MARCHF3: variants seen among roughly 807,000 people sequenced by gnomAD.
MARCHF3 encodes membrane associated ring-CH-type finger 3, also known as E3 ubiquitin-protein ligase MARCHF3.
MARCHF3 carries 13 observed loss-of-function variants against 24.2 expected under a neutral mutation model. That is an observed-to-expected ratio of 0.54 (90% CI 0.35 to 0.85). The LOEUF is 0.85. Ranked by LOEUF, MARCHF3 falls within the 40% of genes least tolerant of loss-of-function variation. MARCHF3 has a pLI of 0.01. For synonymous variants in MARCHF3, 144 were observed against 137.3 expected (o/e 1.05, Z -0.34); for missense variants, 276 against 325.0 (o/e 0.85, Z 1.16).
Position 126,888,148 on chromosome 5 carries a change from A to T in MARCHF3, c.394-9754T>A, listed in dbSNP as rs80127466. Among the ~76,000 whole-genome samples the T allele has an allele frequency of 8.5e-3, 1,301 of 152,332 alleles. 26 individuals are homozygous for T. The highest frequency in any genetic ancestry group is 0.029 in the African/African-American group (1,200 of 41,560). ...AAATGAATATAACTGAAATGCATATATAAGACCATTTGCTTGGACTCTTCC... is the reference window on the plus strand; with the variant it reads ...AAATGAATATAACTGAAATGCATATTTAAGACCATTTGCTTGGACTCTTCC... On this transcript the variant is annotated intron_variant, in intron 3 of 4. Coordinates refer to ENST00000308660, the MANE Select transcript of MARCHF3 (RefSeq NM_178450.5).
rs377034430 is a variant in MARCHF3, at chr5:126,870,758, C to T, written c.637G>A (p.Glu213Lys). 48 of 1,614,042 alleles carry T rather than the reference C, an allele frequency of 3.0e-5. No homozygotes were observed. Among genetic ancestry groups the T allele is most frequent in the African/African-American group, 2.1e-4 (16 of 74,908 alleles). The change falls in exon 5 of 5, where the codon GAG becomes AAG. Residue 213 changes from glutamate to lysine, a missense_variant. Coordinates refer to ENST00000308660, the MANE Select transcript of MARCHF3 (RefSeq NM_178450.5). ...SFRYHCRLYNEWRRTNQRVIL... is the reference protein window; with the variant it reads ...SFRYHCRLYNKWRRTNQRVIL... ...ACCCTCTGATTGGTCCGACGCCACTCGTTGTACAATCGACAGTGGTACCTA... is the reference window on the plus strand; with the variant it reads ...ACCCTCTGATTGGTCCGACGCCACTTGTTGTACAATCGACAGTGGTACCTA...
chr5:126,909,171 G>C (rs1754415877), intron 3 of MARCHF3, among the ~76,000 whole-genome samples: 2 of 152,236 alleles, frequency 1.3e-5, no homozygotes, highest in South Asian at 4.1e-4. Context: ...GAGGCAGTCT[G>C]CCCGTTCTCA....
In MARCHF3 at chr5:126,867,880, C is replaced by T. The variant is rs1164866014; in HGVS notation, c.*2753G>A. On this transcript the variant is annotated 3_prime_UTR_variant, in exon 5 of 5. Coordinates refer to ENST00000308660, the MANE Select transcript of MARCHF3 (RefSeq NM_178450.5). ...GCAGGCAAGAGCATGCTGGATTTGTCTTAGTTGTTAATTCACCTTCTGGCT... is the reference window on the plus strand; with the variant it reads ...GCAGGCAAGAGCATGCTGGATTTGTTTTAGTTGTTAATTCACCTTCTGGCT... 1 of 152,182 alleles carries T rather than the reference C, an allele frequency of 6.6e-6. No individual in the cohort carries two copies. Among genetic ancestry groups the T allele is most frequent in the East Asian group, 1.9e-4 (1 of 5,200 alleles). The allele number at this position is 152,182 out of a possible 1,614,324, so 9.4% of individuals were successfully genotyped here.
chr5:126,978,924 T>C (rs896381220), intron 1 of MARCHF3, among the ~76,000 whole-genome samples: 1 of 152,188 alleles, frequency 6.6e-6, no homozygotes. Context: ...GGCTGAACTA[T>C]CAATGGGAAG....
intron 1 of MARCHF3, among the ~76,000 whole-genome samples, chr5:126,971,937 G>A (rs1422369259): frequency 6.6e-6 from 1 of 152,058 alleles, no homozygotes; most frequent in Admixed American, 6.6e-5. Flanking sequence ...TCAGTGAACC[G>A]GCAACTTAGA....
intron 1 of MARCHF3, among the ~76,000 whole-genome samples, chr5:126,977,043 G>C (rs1295481619): frequency 6.6e-6 from 1 of 152,218 alleles, no homozygotes; most frequent in Admixed American, 6.5e-5. Flanking sequence ...GGTTTTATCA[G>C]TTTTGGCCAG....
At chr5:126,871,712 CTTT>C (rs368757054) in intron 4 of MARCHF3, among the ~76,000 whole-genome samples, 4 of 143,110 alleles carry the variant, frequency 2.8e-5, no homozygotes, top group African/African-American at 2.5e-5. Flanking sequence ...GCCTCTCTCT[CTTT>C]TTTTTTTTTT....
chr5:126,940,424 A>C (rs551043136), intron 1 of MARCHF3, among the ~76,000 whole-genome samples: 1 of 152,154 alleles, frequency 6.6e-6, no homozygotes, highest in African/African-American at 2.4e-5. Context: ...GTTGCAGTGC[A>C]ACTGTATATA....
At chr5:126,909,491 C>T (rs1157453648) in intron 3 of MARCHF3, among the ~76,000 whole-genome samples, 5 of 152,230 alleles carry the variant, frequency 3.3e-5, no homozygotes, top group African/African-American at 1.2e-4. Flanking sequence ...GCGTAGGACC[C>T]TCCGAGCCAC....
intron 1 of MARCHF3, among the ~76,000 whole-genome samples, chr5:126,938,988 A>G (rs1749737442): frequency 2.6e-5 from 4 of 152,194 alleles, no homozygotes; most frequent in Admixed American, 2.6e-4. Context: ...CTAAATGAAA[A>G]TGAATTCTGT....
intron 1 of MARCHF3, among the ~76,000 whole-genome samples, chr5:126,981,914 C>T (rs912055317): frequency 2.6e-5 from 4 of 152,242 alleles, no homozygotes; most frequent in Non-Finnish European, 4.4e-5. Context: ...AATTCCTATA[C>T]TGGAATATTC....
At chr5:126,967,374 A>G (rs1014125973) in intron 1 of MARCHF3, among the ~76,000 whole-genome samples, 4 of 152,180 alleles carry the variant, frequency 2.6e-5, no homozygotes, top group African/African-American at 7.2e-5. Flanking sequence ...GAACCACTAC[A>G]TATTCATCAC....
Position 127,021,142 on chromosome 5 carries a change from TAG to T in MARCHF3, c.-57+9206_-57+9207del, listed in dbSNP as rs540025690. 2.7e-3 allele frequency among the ~76,000 whole-genome samples: 416 copies of T among 151,964 alleles called. 4 individuals carry two copies. Among genetic ancestry groups the T allele is most frequent in the African/African-American group, 9.6e-3 (397 of 41,464 alleles). On this transcript the variant is annotated intron_variant, in intron 1 of 4. Coordinates refer to ENST00000308660, the MANE Select transcript of MARCHF3 (RefSeq NM_178450.5). ...ACACTGGCTTTTTTTTTCAGCCATG[TAG>T]AGTTTTAAAAAGTGAAAATATTAGG...
chr5:126,918,283 A>T (rs2126794992), intron 1 of MARCHF3, 56 bp from the exon 2 acceptor site: 1 of 1,081,200 alleles, frequency 9.2e-7, no homozygotes, highest in Non-Finnish European at 1.3e-6. Context: ...GAAAATGGAG[A>T]ATTATGGGCC....
chr5:126,969,713 G>A (rs141878826), intron 1 of MARCHF3, among the ~76,000 whole-genome samples: 13 of 152,290 alleles, frequency 8.5e-5, no homozygotes, highest in African/African-American at 2.9e-4. Flanking sequence ...AAACTTGAGC[G>A]AGCATTAGAA....
At chr5:126,888,342 T>A (rs1481103408) in intron 3 of MARCHF3, among the ~76,000 whole-genome samples, 2 of 152,212 alleles carry the variant, frequency 1.3e-5, no homozygotes, top group African/African-American at 4.8e-5. Flanking sequence ...TAATGCTCCA[T>A]AAATACTATG....
intron 1 of MARCHF3, among the ~76,000 whole-genome samples, chr5:126,933,083 G>A (rs1749528525): frequency 6.6e-6 from 1 of 152,016 alleles, no homozygotes; most frequent in South Asian, 2.1e-4. Flanking sequence ...GGAAATGTAT[G>A]GTTTCTAAAA....
chr5:126,928,314 C>A (rs939547167), intron 1 of MARCHF3, among the ~76,000 whole-genome samples: 5 of 152,204 alleles, frequency 3.3e-5, no homozygotes, highest in African/African-American at 1.2e-4. Flanking sequence ...CTGAAGAAAG[C>A]AAGTTATTCC....
At chr5:126,896,198 C>G (rs1018628333) in intron 3 of MARCHF3, among the ~76,000 whole-genome samples, 3 of 152,176 alleles carry the variant, frequency 2.0e-5, no homozygotes, top group Admixed American at 6.6e-5. Flanking sequence ...CACTGACCTG[C>G]GCCCACTGTC....
Sources: gnomAD v4.1 joint callset for allele counts (sites outside exome capture counted in the v4.1 genomes callset) on GRCh38, gnomAD v4.1.1 for gene constraint, MANE v1.5 for transcripts, NCBI Gene and HGNC (gene_info 2026-07-23, HGNC 2026-07-21) for gene names.